Variants in PCDHA3 observed in about 807,000 individuals in gnomAD.
PCDHA3 encodes protocadherin alpha-3.
A neutral mutation model predicts 62.2 loss-of-function variants in PCDHA3; 41 were observed. That is an observed-to-expected ratio of 0.66 (90% confidence interval 0.51 to 0.86). PCDHA3 has a LOEUF of 0.86. Ranked by LOEUF, PCDHA3 falls within the 40% of genes least tolerant of loss-of-function variation. PCDHA3 has a pLI of 0.00. For synonymous variants in PCDHA3, 640 were observed against 555.4 expected, an observed-to-expected ratio of 1.15 and a Z score of -2.14; for missense variants, 1,304 against 1,241.2, an observed-to-expected ratio of 1.05 and a Z score of -0.76.
At position 140,824,610 on chromosome 5, in the gene PCDHA3, G is replaced by GTTTTT. The variant is rs782443702; in HGVS notation, c.2394+21037_2394+21041dup. 4.6e-3 allele frequency: 437 copies of GTTTTT among 95,104 alleles called. 77 individuals carry two copies. Among genetic ancestry groups the GTTTTT allele is most frequent in the African/African-American group, 0.02 (401 of 20,564 alleles). 5.9% of individuals were successfully genotyped at this position (95,104 alleles called of 1,614,324 possible). On this transcript the variant is annotated intron_variant, in intron 1 of 3. Transcript: ENST00000522353. Reference sequence around the variant, plus strand: ...GGACTACATGCACATGCTAATTAAAGTTTTTTTTTTTTTTTTTTTTTTATT... The same window carrying GTTTTT: ...GGACTACATGCACATGCTAATTAAAGTTTTTTTTTTTTTTTTTTTTTTTTTTTATT...
intron 1 of PCDHA3, among the ~76,000 whole-genome samples, chr5:140,920,841 T>TAAAAAAAAA (rs781921146): frequency 9.2e-6 from 1 of 109,226 alleles, no homozygotes; most frequent in Non-Finnish European, 1.9e-5. Context: ...AGACCAAATC[T>TAAAAAAAAA]AAAAAAAAAA....
intron 1 of PCDHA3, chr5:140,928,108 G>C: frequency 6.2e-7 from 1 of 1,614,190 alleles, no homozygotes; most frequent in Non-Finnish European, 8.5e-7. Flanking sequence ...CCTGGACCGG[G>C]AGCAGATCAG....
chr5:140,808,583 G>A, intron 1 of PCDHA3: 1 of 1,614,040 alleles, frequency 6.2e-7, no homozygotes, highest in Non-Finnish European at 8.5e-7. Flanking sequence ...GTTCGTGAAG[G>A]AGAACAACCC....
Position 140,802,493 on chromosome 5 carries a change from G to C in PCDHA3, c.1296G>C (p.Ser432=). The C allele has an allele frequency of 1.2e-6, 2 of 1,614,166 alleles. No individual in the cohort carries two copies. Among genetic ancestry groups the C allele is most frequent in the Non-Finnish European group, 8.5e-7 (1 of 1,180,044 alleles). The change falls in exon 1 of 4, where the codon TCG becomes TCC. Residue 432 remains serine (S), a synonymous_variant. Coordinates refer to ENST00000522353, the MANE Select transcript of PCDHA3 (RefSeq NM_018906.3). The part of the protein sequence containing the change: ...ELVVTARDGG[S]PSLWATASVS... ...TGGTGACTGCTCGGGACGGGGGCTCGCCTTCACTGTGGGCCACGGCCAGCG... is the reference window on the plus strand; with the variant it reads ...TGGTGACTGCTCGGGACGGGGGCTCCCCTTCACTGTGGGCCACGGCCAGCG...
At chr5:140,929,321 C>A (rs1554206981) in intron 1 of PCDHA3, 1 of 1,541,174 alleles carries the variant, frequency 6.5e-7, no homozygotes, top group Non-Finnish European at 8.8e-7. Flanking sequence ...AATGTCAATG[C>A]CATGGTAAGC....
chr5:140,828,620 T>C (rs2150157459), intron 1 of PCDHA3: 3 of 1,614,062 alleles, frequency 1.9e-6, no homozygotes, highest in African/African-American at 2.7e-5. Context: ...TTCTAGCGAA[T>C]ACTTCGGGCT....
rs184181496 is a variant in PCDHA3 at position 140,857,350 on chromosome 5, G to A, written c.2394+53759G>A. ...CGCGGGACGGGGGCTCGCCTCCGCTGTGGGCCACGGCCAGCGTGTCTGTGG... is the reference window on the plus strand; with the variant it reads ...CGCGGGACGGGGGCTCGCCTCCGCTATGGGCCACGGCCAGCGTGTCTGTGG... On this transcript the variant is annotated intron_variant, in intron 1 of 3. Coordinates refer to ENST00000522353, the MANE Select transcript of PCDHA3 (RefSeq NM_018906.3). 5 of 1,598,502 alleles carry A rather than the reference G, an allele frequency of 3.1e-6. 1 individual carries two copies. In the Admixed American group the frequency reaches 6.7e-5, roughly 22 times the overall value.
At chr5:140,808,139 A>G (rs782764384) in intron 1 of PCDHA3, 1 of 1,614,144 alleles carries the variant, frequency 6.2e-7, no homozygotes, top group South Asian at 1.1e-5. Flanking sequence ...ATCCTATGAA[A>G]TTATTGTAGA....
At chr5:140,882,868 G>T in intron 1 of PCDHA3, 1 of 1,614,184 alleles carries the variant, frequency 6.2e-7, no homozygotes, top group Non-Finnish European at 8.5e-7. Context: ...GGAAAACACT[G>T]GACAGAGAGG....
At chr5:140,876,950 C>A in intron 1 of PCDHA3, 1 of 1,613,514 alleles carries the variant, frequency 6.2e-7, no homozygotes, top group Non-Finnish European at 8.5e-7. Context: ...GTGTCCTACT[C>A]GCTGGTGGAG....
intron 1 of PCDHA3, among the ~76,000 whole-genome samples, chr5:140,827,731 T>G (rs1769378548): frequency 6.6e-6 from 1 of 152,264 alleles, no homozygotes; most frequent in Non-Finnish European, 1.5e-5. Context: ...GTTGTTTAGC[T>G]GTGAATAATT....
At chr5:140,842,042 A>G (rs2150327853) in intron 1 of PCDHA3, 8 of 1,613,906 alleles carry the variant, frequency 5.0e-6, no homozygotes, top group East Asian at 2.2e-5. Flanking sequence ...TAATGCTCCC[A>G]CTTTCGAACA....
chr5:140,828,693 A>G (rs2150157949), intron 1 of PCDHA3: 9 of 1,614,130 alleles, frequency 5.6e-6, no homozygotes, highest in South Asian at 1.1e-5. Flanking sequence ...AAATCCTTGG[A>G]CAGAGAGGAA....
At chr5:140,822,438 A>G (rs149277994) in intron 1 of PCDHA3, 11 of 1,613,682 alleles carry the variant, frequency 6.8e-6, no homozygotes, top group Non-Finnish European at 8.5e-6. Flanking sequence ...AACCCGAACT[A>G]ACAGGTACAG....
chr5:140,809,698 T>G, intron 1 of PCDHA3: 1 of 1,155,888 alleles, frequency 8.7e-7, no homozygotes, highest in East Asian at 2.4e-5. Context: ...ATATCCATTT[T>G]AACTAAAGTC....
chr5:140,934,373 T>G (rs1414749100), intron 1 of PCDHA3, among the ~76,000 whole-genome samples: 1 of 152,182 alleles, frequency 6.6e-6, no homozygotes, highest in African/African-American at 2.4e-5. Flanking sequence ...TGACTCCTTC[T>G]GTGGTTCTAT....
chr5:140,967,487 G>A lies in PCDHA3; in HGVS notation c.2395-11462G>A, dbSNP rs781929483. 60 of 1,613,172 alleles carry A rather than the reference G, an allele frequency of 3.7e-5. No individual in the cohort carries two copies. The highest frequency in any genetic ancestry group is 5.0e-5 in the Non-Finnish European group (59 of 1,179,674). ...GGGCATCCCAGCCCGCTCGGGTACG[G>A]CACAGATCTCTGTGCGTGTCCTGGA... On this transcript the variant is annotated intron_variant, in intron 1 of 3. Coordinates refer to ENST00000522353, the MANE Select transcript of PCDHA3 (RefSeq NM_018906.3).
chr5:140,856,885 AT>A lies in PCDHA3; in HGVS notation c.2394+53297del, dbSNP rs781799139. 34 of 1,596,494 alleles carry A rather than the reference AT, an allele frequency of 2.1e-5. 3 individuals carry two copies. Among genetic ancestry groups the A allele is most frequent in the Non-Finnish European group, 2.9e-5 (34 of 1,166,312 alleles). ...GAATAAACAAGGAAATGATGTATTC[AT>A]TTAGCTCTTTGGTCCCACCCACGAT... On this transcript the variant is annotated intron_variant, in intron 1 of 3. Transcript: ENST00000522353.
chr5:140,851,325 T>G (rs2042028843), intron 1 of PCDHA3: 3 of 984,014 alleles, frequency 3.0e-6, no homozygotes, highest in South Asian at 4.6e-5. Context: ...TTGTTAAGTT[T>G]GTAGTTCTCT....
Sources: allele counts gnomAD v4.1 joint callset (sites outside exome capture counted in the v4.1 genomes callset), GRCh38; gene constraint gnomAD v4.1.1; transcripts MANE v1.5; gene names NCBI Gene and HGNC (gene_info 2026-07-23, HGNC 2026-07-21).